The following LYN variants were observed in gnomAD, a reference collection of about 807,000 sequenced individuals.
LYN encodes LYN proto-oncogene, Src family tyrosine kinase, also known as tyrosine-protein kinase Lyn.
A neutral mutation model predicts 65.0 loss-of-function variants in LYN; 12 were observed. The observed-to-expected ratio is 0.18, with a 90% CI of 0.12 to 0.30. LYN has a LOEUF of 0.30. LYN is among the 10% of genes least tolerant of loss of function. The pLI is 1.00. For synonymous variants in LYN, 222 were observed against 221.2 expected, an observed-to-expected ratio of 1.00 and a Z score of -0.03; for missense variants, 380 against 623.2, an observed-to-expected ratio of 0.61 and a Z score of 4.16.
chr8:55,975,467 ACTAT>A (rs1263835843), intron 10 of LYN, among the ~76,000 whole-genome samples: 1 of 152,170 alleles, frequency 6.6e-6, no homozygotes, highest in Non-Finnish European at 1.5e-5. Context: ...TTTTATTTAG[ACTAT>A]CTATGTGAAT....
chr8:55,959,781 A>G (rs1807222081), intron 8 of LYN, among the ~76,000 whole-genome samples: 1 of 152,170 alleles, frequency 6.6e-6, no homozygotes, highest in Non-Finnish European at 1.5e-5. Context: ...GGGTCAATAA[A>G]ATGTGGTGTA....
chr8:55,988,787 T>C (rs1369699318), intron 10 of LYN, among the ~76,000 whole-genome samples: 1 of 152,154 alleles, frequency 6.6e-6, no homozygotes, highest in Non-Finnish European at 1.5e-5. Context: ...TTAGCTTTGC[T>C]TGAGAGATCA....
intron 8 of LYN, among the ~76,000 whole-genome samples, chr8:55,954,288 C>A (rs992371984): frequency 6.6e-6 from 1 of 152,146 alleles, no homozygotes; most frequent in Non-Finnish European, 1.5e-5. Flanking sequence ...TCTGGATGCA[C>A]GGCTCAAGTG....
At chr8:55,946,413 C>A in intron 2 of LYN, 35 bp from the exon 3 acceptor site, 3 of 1,476,858 alleles carry the variant, frequency 2.0e-6, no homozygotes, top group Non-Finnish European at 2.8e-6. Flanking sequence ...AAAAGCTAAA[C>A]AGAATTTTTT....
intron 1 of LYN, among the ~76,000 whole-genome samples, chr8:55,929,362 A>T (rs779377797): frequency 3.0e-4 from 46 of 152,230 alleles, no homozygotes; most frequent in Non-Finnish European, 4.6e-4. Context: ...TTCTCATAGA[A>T]AATCTCTGGA....
intron 10 of LYN, among the ~76,000 whole-genome samples, 168 bp from the exon 11 acceptor site, chr8:55,998,178 A>C (rs930753462): frequency 6.6e-6 from 1 of 152,062 alleles, no homozygotes; most frequent in African/African-American, 2.4e-5. Flanking sequence ...GTTATTTTAG[A>C]AAGGGCTCAA....
chr8:55,941,819 T>TG, intron 1 of LYN, 36 bp from the exon 2 acceptor site: 2 of 1,582,468 alleles, frequency 1.3e-6, no homozygotes, highest in Non-Finnish European at 1.7e-6. Flanking sequence ...AGTTCTGGAA[T>TG]GGTAAAACAA....
intron 10 of LYN, among the ~76,000 whole-genome samples, chr8:55,981,475 C>G (rs1379537265): frequency 1.3e-5 from 2 of 152,294 alleles, no homozygotes; most frequent in Admixed American, 6.5e-5. Context: ...CTGCTTCATA[C>G]AGCTCTGAAT....
intron 1 of LYN, among the ~76,000 whole-genome samples, chr8:55,941,403 T>C (rs1806608425): frequency 6.6e-6 from 1 of 152,218 alleles, no homozygotes; most frequent in African/African-American, 2.4e-5. Flanking sequence ...CTTGAGCTCA[T>C]GGTGGTTGCA....
At chr8:55,936,837 A>T (rs879005857) in intron 1 of LYN, among the ~76,000 whole-genome samples, 21 of 152,226 alleles carry the variant, frequency 1.4e-4, no homozygotes, top group Admixed American at 1.2e-3. Context: ...AAGAAAAAGT[A>T]CAGCTTTGAA....
intron 4 of LYN, among the ~76,000 whole-genome samples, chr8:55,950,121 G>C (rs1806899239): frequency 6.6e-6 from 1 of 152,134 alleles, no homozygotes; most frequent in Non-Finnish European, 1.5e-5. Flanking sequence ...TTTCACTGCT[G>C]AGTAATACTC....
chr8:55,915,181 C>T (rs764269304), intron 1 of LYN, among the ~76,000 whole-genome samples: 10 of 152,144 alleles, frequency 6.6e-5, no homozygotes, highest in Non-Finnish European at 1.0e-4. Context: ...GCTGTCCAAC[C>T]TCTCTGGCAT....
chr8:55,881,510 G>A (rs1272336892), intron 1 of LYN, among the ~76,000 whole-genome samples: 1 of 152,212 alleles, frequency 6.6e-6, no homozygotes, highest in African/African-American at 2.4e-5. Flanking sequence ...ATTCTCATTT[G>A]GAGGTAAGCA....
At position 55,983,849 on chromosome 8, in the gene LYN, G is replaced by T. The variant is rs535301687; in HGVS notation, c.1050+14056G>T. ...ACTAAGTCTCCTAAGTGATTCCATT[G>T]AAAGCATTGTATTAATTTCCTGGGG... On this transcript the variant is annotated intron_variant, in intron 10 of 12. Coordinates refer to ENST00000519728, the MANE Select transcript of LYN (RefSeq NM_002350.4). 5.3e-5 allele frequency among the ~76,000 whole-genome samples: 8 copies of T among 152,292 alleles called. No individual in the cohort carries two copies. In the East Asian group the frequency reaches 1.5e-3, roughly 29 times the overall value.
chr8:55,992,492 G>C (rs1179345881), intron 10 of LYN, among the ~76,000 whole-genome samples: 1 of 152,122 alleles, frequency 6.6e-6, no homozygotes, highest in Non-Finnish European at 1.5e-5. Context: ...GCTCCATATG[G>C]AGCCTCCTCC....
intron 10 of LYN, among the ~76,000 whole-genome samples, chr8:55,995,163 T>C (rs1808342308): frequency 1.3e-5 from 2 of 152,172 alleles, no homozygotes; most frequent in Non-Finnish European, 2.9e-5. Flanking sequence ...CTGAACTTCC[T>C]GACGCCCTCA....
intron 10 of LYN, among the ~76,000 whole-genome samples, chr8:55,975,576 T>G (rs959707782): frequency 1.3e-5 from 2 of 152,218 alleles, no homozygotes; most frequent in African/African-American, 4.8e-5. Context: ...CACAAATATA[T>G]CACTTTAATG....
intron 2 of LYN, among the ~76,000 whole-genome samples, chr8:55,942,653 C>T (rs527994874): frequency 1.2e-4 from 18 of 151,300 alleles, no homozygotes; most frequent in South Asian, 1.0e-3. Context: ...GGCACAGTGG[C>T]GGGCGCCTGT....
chr8:55,888,084 G>T (rs1274406956), intron 1 of LYN, among the ~76,000 whole-genome samples: 1 of 152,174 alleles, frequency 6.6e-6, no homozygotes, highest in African/African-American at 2.4e-5. Flanking sequence ...TGTAAATGTT[G>T]TAAATAGAAC....
Sources: gnomAD v4.1 joint callset for allele counts (sites outside exome capture counted in the v4.1 genomes callset) on GRCh38, gnomAD v4.1.1 for gene constraint, MANE v1.5 for transcripts, NCBI Gene and HGNC (gene_info 2026-07-23, HGNC 2026-07-21) for gene names.